CTNNA3: variants seen among roughly 807,000 people sequenced by gnomAD.
CTNNA3 encodes catenin alpha 3.
CTNNA3 carries 76 observed loss-of-function variants against 95.7 expected under a neutral mutation model. The observed-to-expected ratio is 0.79, with a 90% CI of 0.66 to 0.96. The LOEUF is 0.96. Ranked by LOEUF, CTNNA3 falls within the 40% of genes least tolerant of loss-of-function variation. CTNNA3 has a pLI of 0.00. For missense variants in CTNNA3, 1,191 were observed against 1,089.8 expected (o/e 1.09, Z -1.31); for synonymous variants, 431 against 374.4 (o/e 1.15, Z -1.74).
chr10:66,667,271 T>C lies in CTNNA3; in HGVS notation c.1282-45487A>G, dbSNP rs574619106. 1.1e-4 allele frequency among the ~76,000 whole-genome samples: 17 copies of C among 152,236 alleles called. No homozygotes were observed. The South Asian group carries it at 3.3e-3, about 30-fold the overall frequency. ...ATAAAATTGCCCTTGTTAGGTTTTA[T>C]CTATTCCCGCCTGTCCAGATATTTT... On this transcript the variant is annotated intron_variant, in intron 9 of 17. Coordinates refer to ENST00000433211, the MANE Select transcript of CTNNA3 (RefSeq NM_013266.4).
At chr10:66,696,290 A>T (rs1436476227) in intron 9 of CTNNA3, among the ~76,000 whole-genome samples, 2 of 152,170 alleles carry the variant, frequency 1.3e-5, no homozygotes, top group African/African-American at 4.8e-5. Flanking sequence ...AAATAAAGAG[A>T]TGCTATTTAC....
chr10:66,355,983 T>C (rs2092605767), intron 12 of CTNNA3, among the ~76,000 whole-genome samples: 1 of 152,120 alleles, frequency 6.6e-6, no homozygotes, highest in African/African-American at 2.4e-5. Flanking sequence ...CAAGAATTGT[T>C]TGATTTCTGA....
intron 9 of CTNNA3, among the ~76,000 whole-genome samples, chr10:66,632,615 C>T (rs1845184345): frequency 7.0e-6 from 1 of 143,178 alleles, no homozygotes; most frequent in African/African-American, 2.6e-5. Context: ...ATTAAAAACA[C>T]AAAAATTTAG....
At position 66,625,442 on chromosome 10, in the gene CTNNA3, G is replaced by A. The variant is rs955487043; in HGVS notation, c.1282-3658C>T. Among the ~76,000 whole-genome samples, 5 of 152,220 alleles carry A rather than the reference G, an allele frequency of 3.3e-5. No individual in the cohort carries two copies. In the East Asian group the frequency reaches 5.8e-4, roughly 18 times the overall value. ...CTCACTAGGTCGCCCAGGCTGGAGT[G>A]CAGTGGCTCGATCTAGGCTCACTGC... On this transcript the variant is annotated intron_variant, in intron 9 of 17. Coordinates refer to ENST00000433211, the MANE Select transcript of CTNNA3 (RefSeq NM_013266.4).
At chr10:67,621,584 C>T (rs921103388) in intron 2 of CTNNA3, among the ~76,000 whole-genome samples, 3 of 151,944 alleles carry the variant, frequency 2.0e-5, no homozygotes, top group South Asian at 2.1e-4. Flanking sequence ...CCTGTCTCTA[C>T]TAAAAATACA....
intron 10 of CTNNA3, among the ~76,000 whole-genome samples, chr10:66,616,807 G>A (rs1360362209): frequency 2.6e-5 from 4 of 151,738 alleles, no homozygotes; most frequent in Non-Finnish European, 4.4e-5. Context: ...TCTCATCTTT[G>A]GTCAGTATCT....
chr10:66,558,162 G>A lies in CTNNA3; in HGVS notation c.1375-37389C>T, dbSNP rs576772263. ...ATGCCATCATTTGGAAAAGGCTGCA[G>A]GTACATTTGGACAAAGCAGCTAGGT... On this transcript the variant is annotated intron_variant, in intron 10 of 17. Coordinates refer to ENST00000433211, the MANE Select transcript of CTNNA3 (RefSeq NM_013266.4). Among the ~76,000 whole-genome samples the A allele has an allele frequency of 3.9e-5, 6 of 152,140 alleles. No individual in the cohort carries two copies. The South Asian group carries it at 1.2e-3, about 32-fold the overall frequency.
chr10:66,144,865 T>C (rs962502464), intron 13 of CTNNA3, among the ~76,000 whole-genome samples: 1 of 152,230 alleles, frequency 6.6e-6, no homozygotes, highest in Non-Finnish European at 1.5e-5. Context: ...GAAGTCTCAA[T>C]ACCAAAATTG....
At chr10:66,594,044 T>C (rs1843634079) in intron 10 of CTNNA3, among the ~76,000 whole-genome samples, 1 of 152,122 alleles carries the variant, frequency 6.6e-6, no homozygotes, top group African/African-American at 2.4e-5. Flanking sequence ...CTCTTCCACC[T>C]GACACTTCCA....
intron 7 of CTNNA3, among the ~76,000 whole-genome samples, chr10:67,140,856 G>T (rs148806450): frequency 6.6e-6 from 1 of 152,288 alleles, no homozygotes; most frequent in Admixed American, 6.5e-5. Flanking sequence ...TAGCCTGCAT[G>T]AACAGTGCTT....
At chr10:66,613,228 G>A (rs1589496903) in intron 10 of CTNNA3, among the ~76,000 whole-genome samples, 1 of 151,966 alleles carries the variant, frequency 6.6e-6, no homozygotes, top group Non-Finnish European at 1.5e-5. Flanking sequence ...GAGTTTGATG[G>A]CCATGACTTC....
intron 5 of CTNNA3, among the ~76,000 whole-genome samples, chr10:67,255,787 T>C (rs1171090396): frequency 6.6e-6 from 1 of 152,188 alleles, no homozygotes; most frequent in Non-Finnish European, 1.5e-5. Context: ...TAGTTTTGTA[T>C]ACATTTTCTC....
At chr10:66,509,434 G>GA (rs1840577979) in intron 11 of CTNNA3, among the ~76,000 whole-genome samples, 1 of 151,954 alleles carries the variant, frequency 6.6e-6, no homozygotes, top group Admixed American at 6.6e-5. Context: ...TAACCATAAA[G>GA]TCTTTGCCTG....
In CTNNA3 at chr10:65,916,257, T is replaced by C. The variant is rs1041620180; in HGVS notation, c.*4073A>G. On this transcript the variant is annotated 3_prime_UTR_variant, in exon 18 of 18. Coordinates refer to ENST00000433211, the MANE Select transcript of CTNNA3 (RefSeq NM_013266.4). ...TTTTTAACTGAAATATTTCTGGCTT[T>C]ACAAACAGAAAAAATGAATATTTGA... The C allele has an allele frequency of 6.6e-6, 1 of 152,114 alleles. No individual in the cohort carries two copies. Among genetic ancestry groups the C allele is most frequent in the Admixed American group, 6.5e-5 (1 of 15,268 alleles). The allele number at this position is 152,114 out of a possible 1,614,324, so 9.4% of individuals were successfully genotyped here.
chr10:67,641,306 G>A (rs1161132093), intron 2 of CTNNA3, among the ~76,000 whole-genome samples: 1 of 152,148 alleles, frequency 6.6e-6, no homozygotes, highest in Non-Finnish European at 1.5e-5. Context: ...ACCACAATGA[G>A]ATACCATCTC....
At chr10:67,167,317 G>T (rs1330830195) in intron 7 of CTNNA3, among the ~76,000 whole-genome samples, 1 of 152,020 alleles carries the variant, frequency 6.6e-6, no homozygotes, top group Non-Finnish European at 1.5e-5. Flanking sequence ...TTTTGGCTAG[G>T]AATGCAGCTC....
intron 8 of CTNNA3, 91 bp from the exon 9 acceptor site, chr10:66,766,507 A>G (rs1483196665): frequency 1.8e-6 from 2 of 1,137,610 alleles, no homozygotes; most frequent in African/African-American, 1.6e-5. Context: ...TACACAACTC[A>G]TTTTTCATTT....
At chr10:66,035,371 G>A (rs1038655526) in intron 15 of CTNNA3, among the ~76,000 whole-genome samples, 9 of 152,034 alleles carry the variant, frequency 5.9e-5, no homozygotes, top group Admixed American at 5.2e-4. Context: ...GGCAGCCTAA[G>A]AATTTAGAAT....
At chr10:67,375,817 A>G (rs1160759017) in intron 5 of CTNNA3, among the ~76,000 whole-genome samples, 2 of 152,122 alleles carry the variant, frequency 1.3e-5, no homozygotes, top group Non-Finnish European at 2.9e-5. Context: ...CTGAAAACAA[A>G]TTCATAAGGG....
Sources: gnomAD v4.1 joint callset for allele counts (sites outside exome capture counted in the v4.1 genomes callset) on GRCh38, gnomAD v4.1.1 for gene constraint, MANE v1.5 for transcripts, NCBI Gene and HGNC (gene_info 2026-07-23, HGNC 2026-07-21) for gene names.